TRIM39: variants seen among roughly 807,000 people sequenced by gnomAD.
The protein encoded by TRIM39 is E3 ubiquitin-protein ligase TRIM39.
In TRIM39, 5 loss-of-function variants were observed where a neutral mutation model predicts 53.6. The ratio of observed to expected loss-of-function variants is 0.09; its 90% CI spans 0.05 to 0.20. The LOEUF (loss-of-function observed/expected upper bound fraction) is 0.20. TRIM39 is among the 10% of genes least tolerant of loss of function. The pLI is 1.00. For missense variants in TRIM39, 310 were observed against 621.0 expected (o/e 0.50, Z 5.32); for synonymous variants, 196 against 237.6 (o/e 0.82, Z 1.61).
intron 5 of TRIM39, among the ~76,000 whole-genome samples, chr6:30,336,774 T>G (rs977986299): frequency 6.6e-6 from 1 of 152,214 alleles, no homozygotes; most frequent in Non-Finnish European, 1.5e-5. Flanking sequence ...CTGTTAATAT[T>G]GATATTTTGG....
intron 4 of TRIM39, among the ~76,000 whole-genome samples, chr6:30,334,059 A>G (rs1158930936): frequency 6.6e-6 from 1 of 152,210 alleles, no homozygotes; most frequent in African/African-American, 2.4e-5. Context: ...TATTTTGTTC[A>G]GATGTACACT....
At position 30,339,920 on chromosome 6, in the gene TRIM39, A is replaced by G; in HGVS notation, c.793A>G (p.Thr265Ala). ...TCCTTCCTTCTAGGATGTCAAAAGTACCCTGGAAAAGTAAGTGATTGTTGT... is the reference window on the plus strand; with the variant it reads ...TCCTTCCTTCTAGGATGTCAAAAGTGCCCTGGAAAAGTAAGTGATTGTTGT... Residue 265 changes from threonine to alanine, a missense_variant, in exon 6 of 8, where the codon ACC becomes GCC. Transcript: ENST00000396551. This position sits in a 1 kb window ranked among gnomAD's most constrained non-coding sequence, Gnocchi z 4.2. 1 of 1,614,076 alleles carries G rather than the reference A, an allele frequency of 6.2e-7. No individual in the cohort carries two copies. Among genetic ancestry groups the G allele is most frequent in the Non-Finnish European group, 8.5e-7 (1 of 1,180,026 alleles).
intron 4 of TRIM39, among the ~76,000 whole-genome samples, chr6:30,331,293 A>C (rs1280229671): frequency 1.6e-4 from 8 of 51,550 alleles, no homozygotes; most frequent in South Asian, 1.1e-3. Context: ...AACAAACAAA[A>C]AAAAAAAGAA....
intron 4 of TRIM39, among the ~76,000 whole-genome samples, 165 bp downstream of exon 4, chr6:30,331,041 G>A (rs749405824): frequency 1.8e-4 from 28 of 152,200 alleles, no homozygotes; most frequent in Non-Finnish European, 3.5e-4. Flanking sequence ...AGGCCAAGGT[G>A]GGCAGATTGC....
At chr6:30,341,441 G>A (rs1413989952) in intron 7 of TRIM39, 1 of 701,040 alleles carries the variant, frequency 1.4e-6, no homozygotes, top group Admixed American at 2.0e-5. Context: ...GTCAGAGGGA[G>A]ATGAAGAGAG....
In TRIM39 at chr6:30,338,376, A is replaced by G. The variant is rs1035764518; in HGVS notation, c.781-1532A>G. Among the ~76,000 whole-genome samples, 2 of 152,020 alleles carry G rather than the reference A, an allele frequency of 1.3e-5. No individual in the cohort carries two copies. Among genetic ancestry groups the G allele is most frequent in the African/African-American group, 4.8e-5 (2 of 41,366 alleles). On this transcript the variant is annotated intron_variant, in intron 5 of 7. Coordinates refer to ENST00000396551, the Ensembl canonical transcript of TRIM39. The surrounding 1 kb of genome is among the most constrained non-coding windows in gnomAD (Gnocchi z 4.0). Reference sequence around the variant, plus strand: ...ATTCTTCTTTCACATGAACACTTAGAGGCCATTGCAGGATTATTAATTGAT... The same window carrying G: ...ATTCTTCTTTCACATGAACACTTAGGGGCCATTGCAGGATTATTAATTGAT...
At chr6:30,327,136 G>C (rs563827013) in intron 1 of TRIM39, 141 bp downstream of exon 1, 5 of 152,552 alleles carry the variant, frequency 3.3e-5, no homozygotes, top group Admixed American at 2.0e-4. Flanking sequence ...CTCGGGCCCG[G>C]GCGGACGTTT....
chr6:30,341,609 C>A, intron 7 of TRIM39, 103 bp from the exon 8 acceptor site: 1 of 1,482,626 alleles, frequency 6.7e-7, no homozygotes, highest in Non-Finnish European at 9.0e-7. Context: ...TTCTGGGGAC[C>A]TTTAAGGGAC....
At chr6:30,330,742 C>A (rs781146832) in intron 3 of TRIM39, 39 bp from the exon 4 acceptor site, 1 of 1,608,742 alleles carries the variant, frequency 6.2e-7, no homozygotes, top group Non-Finnish European at 8.5e-7. Context: ...ACCAGTCAAC[C>A]CCAAATGTCA....
Position 30,338,509 on chromosome 6 carries a change from G to A in TRIM39, c.781-1399G>A, listed in dbSNP as rs1376402232. ...TTAGAACACATAAAATATATTTATC[G>A]ATTAAGTTGTTCGTCTTATATGGAT... is the stretch of plus-strand genomic sequence containing the variant. On this transcript the variant is annotated intron_variant, in intron 5 of 7. Transcript: ENST00000396551. This position sits in a 1 kb window ranked among gnomAD's most constrained non-coding sequence, Gnocchi z 4.0. Among the ~76,000 whole-genome samples the A allele has an allele frequency of 6.6e-6, 1 of 151,332 alleles. No homozygotes were observed. The highest frequency in any genetic ancestry group is 2.1e-4 in the South Asian group (1 of 4,772).
At position 30,338,753 on chromosome 6, in the gene TRIM39, G is replaced by A. The variant is rs1787155760; in HGVS notation, c.781-1155G>A. The stretch of plus-strand genomic sequence containing the variant: ...ACCATCTATCTGAAAAACATACAAT[G>A]TCAACAAAACACAATAAAGCGAGGT... On this transcript the variant is annotated intron_variant, in intron 5 of 7. Transcript: ENST00000396551. This position sits in a 1 kb window ranked among gnomAD's most constrained non-coding sequence, Gnocchi z 4.0. Among the ~76,000 whole-genome samples the A allele has an allele frequency of 6.6e-6, 1 of 151,910 alleles. No homozygotes were observed.
chr6:30,331,811 C>G (rs369739889), intron 4 of TRIM39, among the ~76,000 whole-genome samples: 2 of 152,222 alleles, frequency 1.3e-5, no homozygotes, highest in East Asian at 1.9e-4. Context: ...TCTTTTATAG[C>G]ATTGCCTTAT....
chr6:30,328,175 G>A (rs1489355666), intron 1 of TRIM39, among the ~76,000 whole-genome samples: 1 of 152,146 alleles, frequency 6.6e-6, no homozygotes, highest in Non-Finnish European at 1.5e-5. Flanking sequence ...CTCTTAATTC[G>A]CAACCACTCC....
chr6:30,340,044 C>A, intron 6 of TRIM39, 114 bp downstream of exon 6: 1 of 1,507,978 alleles, frequency 6.6e-7, no homozygotes, highest in Non-Finnish European at 9.1e-7. Context: ...TGTGTCTGGG[C>A]AGGGTATGGG....
chr6:30,331,139 C>T (rs931135656), intron 4 of TRIM39, among the ~76,000 whole-genome samples: 2 of 152,050 alleles, frequency 1.3e-5, no homozygotes, highest in African/African-American at 2.4e-5. Context: ...CATGGTGGCA[C>T]ATGCCTGTAG....
intron 5 of TRIM39, 192 bp downstream of exon 5, chr6:30,336,167 TTCTTATC>T (rs780213930): frequency 2.4e-6 from 2 of 827,556 alleles, no homozygotes. Flanking sequence ...CATTTTTGTG[TTCTTATC>T]TCTGGTCAGC....
intron 4 of TRIM39, among the ~76,000 whole-genome samples, chr6:30,331,900 A>ATT (rs1354298577): frequency 1.3e-5 from 2 of 152,166 alleles, no homozygotes; most frequent in Non-Finnish European, 2.9e-5. Context: ...AATAACTAGA[A>ATT]TTGAGTCCTA....
intron 5 of TRIM39, among the ~76,000 whole-genome samples, chr6:30,337,927 G>A (rs1310991444): frequency 6.6e-6 from 1 of 152,206 alleles, no homozygotes; most frequent in Non-Finnish European, 1.5e-5. Flanking sequence ...TGCAACTTCT[G>A]CATCAGCACT....
At chr6:30,334,775 C>T (rs905125275) in intron 4 of TRIM39, among the ~76,000 whole-genome samples, 5 of 152,058 alleles carry the variant, frequency 3.3e-5, no homozygotes, top group Admixed American at 1.3e-4. Flanking sequence ...TCTCACTCAC[C>T]CAGGCTGGAG....
Sources: gnomAD v4.1 joint callset for allele counts (sites outside exome capture counted in the v4.1 genomes callset) on GRCh38, gnomAD v4.1.1 for gene constraint, Gnocchi (gnomAD v3.1) non-coding constraint, MANE v1.5 for transcripts, NCBI Gene and HGNC (gene_info 2026-07-23, HGNC 2026-07-21) for gene names.